The following DHRSX variants were observed in gnomAD, a reference collection of about 807,000 sequenced individuals.
The protein encoded by DHRSX is polyprenol dehydrogenase.
In DHRSX, 31 loss-of-function variants were observed where a neutral mutation model predicts 34.0. The observed-to-expected ratio is 0.91, with a 90% CI of 0.69 to 1.23. The LOEUF is 1.23. Among genes scored for constraint, DHRSX ranks in the 50% most tolerant of loss-of-function variants. The pLI, the probability that DHRSX is intolerant of heterozygous loss-of-function variation, is 0.00. For synonymous variants in DHRSX, 201 were observed against 183.8 expected (o/e 1.09, Z -0.76); for missense variants, 414 against 428.1 (o/e 0.97, Z 0.29).
At position 2,500,830 on chromosome X, in the gene DHRSX, GC is replaced by G; in HGVS notation, c.95del (p.Gly32AlafsTer16). On this transcript the variant is annotated frameshift_variant, in exon 1 of 7. Transcript: ENST00000334651. LOFTEE classifies it high-confidence loss of function. ...CGCCCCGCTGACCTGGCTCCAGGAA[GC>G]CCCCGCGGCAGCGCCGCAGCAGCTG... ...LAQLLRRCRG[G>X]FLEPVFPPRP... 1 of 1,129,492 alleles carries G rather than the reference GC, an allele frequency of 8.9e-7. No individual in the cohort carries two copies. 70.0% of individuals were successfully genotyped at this position (1,129,492 alleles called of 1,614,324 possible).
intron 3 of DHRSX, among the ~76,000 whole-genome samples, chrX:2,394,875 A>C (rs1190359411): frequency 1.3e-5 from 2 of 151,984 alleles, no homozygotes; most frequent in Non-Finnish European, 2.9e-5. Context: ...CATGAAAAAA[A>C]AAAAAAAGAG....
At chrX:2,367,113 C>T (rs2043002858) in intron 3 of DHRSX, among the ~76,000 whole-genome samples, 1 of 152,064 alleles carries the variant, frequency 6.6e-6, no homozygotes, top group South Asian at 2.1e-4. Context: ...GCTAAAACTA[C>T]AATCTTCACA....
intron 1 of DHRSX, chrX:2,488,959 G>A (rs2045038257): frequency 2.5e-6 from 4 of 1,596,628 alleles, no homozygotes; most frequent in South Asian, 2.3e-5. Flanking sequence ...ACCACTTGAG[G>A]GGGTCTTCGT....
In DHRSX at chrX:2,233,384, TTA is replaced by T. The variant is rs1250662233; in HGVS notation, c.804+9637_804+9638del. Among the ~76,000 whole-genome samples the T allele has an allele frequency of 4.1e-5, 5 of 121,782 alleles. No individual in the cohort carries two copies. The South Asian group carries it at 1.1e-3, about 27-fold the overall frequency. The allele number at this position is 121,782 out of a possible 152,430, so 79.9% of individuals were successfully genotyped here. A position where few individuals can be genotyped will look rare whatever the true frequency, so the allele number is the denominator to read the frequency against. On this transcript the variant is annotated intron_variant, in intron 6 of 6. Transcript: ENST00000334651. The stretch of plus-strand genomic sequence containing the variant: ...TTTTATCTACAGCTTTTTTTTTTTT[TTA>T]AATGACAATCTTTAGAGACTGGCAA...
At chrX:2,359,259 C>G (rs887108345) in intron 3 of DHRSX, among the ~76,000 whole-genome samples, 3 of 152,148 alleles carry the variant, frequency 2.0e-5, no homozygotes, top group Non-Finnish European at 2.9e-5. Context: ...GGTATATACC[C>G]AAAGGAACAT....
intron 1 of DHRSX, chrX:2,490,697 C>G (rs2045113816): frequency 6.2e-7 from 1 of 1,613,546 alleles, no homozygotes; most frequent in African/African-American, 1.3e-5. Context: ...TGTCTGGGAG[C>G]TCTCCAGGCT....
intron 3 of DHRSX, among the ~76,000 whole-genome samples, chrX:2,405,378 C>T (rs1603055841): frequency 1.3e-5 from 2 of 152,062 alleles, no homozygotes; most frequent in South Asian, 4.2e-4. Flanking sequence ...ATCCCAGCTA[C>T]TCGGGAGGCT....
intron 3 of DHRSX, among the ~76,000 whole-genome samples, chrX:2,331,436 GTTT>G (rs1159991841): frequency 5.3e-5 from 5 of 94,656 alleles, no homozygotes; most frequent in Non-Finnish European, 1.1e-4. Context: ...AGGTTTTTTG[GTTT>G]TTTTTTTTTT....
chrX:2,330,077 G>A (rs751999153), intron 3 of DHRSX, among the ~76,000 whole-genome samples: 4,738 of 15,412 alleles, frequency 0.31, 344 homozygotes, highest in South Asian at 0.47. Flanking sequence ...AGACGGCGGG[G>A]GGGGGGGGGG....
chrX:2,485,142 T>C (rs945973253), intron 1 of DHRSX, among the ~76,000 whole-genome samples: 1 of 152,054 alleles, frequency 6.6e-6, no homozygotes, highest in Non-Finnish European at 1.5e-5. Context: ...ATCCCACCAC[T>C]GTGCGGAAGG....
intron 3 of DHRSX, 94 bp downstream of exon 3, chrX:2,408,651 G>T: frequency 9.1e-7 from 1 of 1,102,968 alleles, no homozygotes; most frequent in South Asian, 1.4e-5. Context: ...AATGCCACCT[G>T]GCACGTGACT....
chrX:2,402,224 C>T (rs1020166644), intron 3 of DHRSX, among the ~76,000 whole-genome samples: 2 of 152,254 alleles, frequency 1.3e-5, no homozygotes, highest in Non-Finnish European at 2.9e-5. Flanking sequence ...CGGGGTTACC[C>T]GATGCCGGGA....
At chrX:2,320,253 T>A (rs2042292345) in intron 3 of DHRSX, among the ~76,000 whole-genome samples, 1 of 151,818 alleles carries the variant, frequency 6.6e-6, no homozygotes, top group African/African-American at 2.4e-5. Flanking sequence ...AGCGATCATA[T>A]GACCCAAAGA....
At chrX:2,394,881 AAG>A (rs2043390462) in intron 3 of DHRSX, among the ~76,000 whole-genome samples, 2 of 151,974 alleles carry the variant, frequency 1.3e-5, no homozygotes, top group South Asian at 4.2e-4. Flanking sequence ...AAAAAAAAAA[AAG>A]AGTTGGAGTT....
At chrX:2,489,892 C>T in intron 1 of DHRSX, 1 of 1,613,892 alleles carries the variant, frequency 6.2e-7, no homozygotes, top group South Asian at 1.1e-5. Flanking sequence ...AGCACGCCTT[C>T]ACGATGTCCT....
At chrX:2,341,040 A>AG (rs945705851) in intron 3 of DHRSX, among the ~76,000 whole-genome samples, 2 of 152,006 alleles carry the variant, frequency 1.3e-5, no homozygotes, top group African/African-American at 2.4e-5. Context: ...AAATCAAGGC[A>AG]GGGGGAGAAA....
chrX:2,274,585 C>CT (rs35716727), intron 4 of DHRSX, among the ~76,000 whole-genome samples: 14,434 of 129,012 alleles, frequency 0.11, 1,068 homozygotes, highest in Non-Finnish European at 0.16. Flanking sequence ...CCCGGCTAAA[C>CT]TTTTTTTTTT....
intron 3 of DHRSX, among the ~76,000 whole-genome samples, chrX:2,304,339 TGATGGATG>T (rs778314078): frequency 2.0e-4 from 24 of 117,956 alleles, no homozygotes; most frequent in African/African-American, 5.3e-4. Flanking sequence ...ATGGATGAAC[TGATGGATG>T]GATGGATGGA....
At chrX:2,235,668 G>A (rs1395754998) in intron 6 of DHRSX, among the ~76,000 whole-genome samples, 3 of 145,810 alleles carry the variant, frequency 2.1e-5, no homozygotes, top group South Asian at 2.2e-4. Context: ...GCTTGAACCC[G>A]GGAGGCAGGT....
Sources: gnomAD v4.1 joint callset for allele counts (sites outside exome capture counted in the v4.1 genomes callset) on GRCh38, gnomAD v4.1.1 for gene constraint, MANE v1.5 for transcripts, NCBI Gene and HGNC (gene_info 2026-07-23, HGNC 2026-07-21) for gene names.